The following FHIP2A variants were observed in gnomAD, a reference collection of about 807,000 sequenced individuals.
FHIP2A encodes the protein family with sequence similarity 160 member B1.
FHIP2A carries 46 observed loss-of-function variants against 93.5 expected under a neutral mutation model. The observed-to-expected ratio is 0.49, with a 90% CI of 0.39 to 0.63. The LOEUF is 0.63. FHIP2A is among the 20% of genes least tolerant of loss of function. The pLI, the probability that FHIP2A is intolerant of heterozygous loss-of-function variation, is 0.00. For missense variants in FHIP2A, 769 were observed against 909.7 expected, an observed-to-expected ratio of 0.85 and a Z score of 1.99; for synonymous variants, 332 against 326.5, an observed-to-expected ratio of 1.02 and a Z score of -0.18.
At chr10:114,857,521 G>T (rs1166589685) in intron 14 of FHIP2A, among the ~76,000 whole-genome samples, 1 of 151,830 alleles carries the variant, frequency 6.6e-6, no homozygotes, top group African/African-American at 2.4e-5. Context: ...TATTGCTCAG[G>T]CTGGTCTTGA....
chr10:114,832,762 C>T (rs924131398), intron 2 of FHIP2A, among the ~76,000 whole-genome samples: 2 of 146,780 alleles, frequency 1.4e-5, no homozygotes, highest in Non-Finnish European at 3.0e-5. Flanking sequence ...CCCAGGCTGA[C>T]GTTCAGTGGT....
chr10:114,885,397 G>GA lies in FHIP2A; in HGVS notation c.2193-14079dup, dbSNP rs1177416557. On this transcript the variant is annotated intron_variant, in intron 16 of 16. Transcript: ENST00000369250. ...ACAACAAGAGTGAAACTCCATCTGAGAAAAAAAAAAAAAAGAAAAAAAAAA... is the reference window on the plus strand; with the variant it reads ...ACAACAAGAGTGAAACTCCATCTGAGAAAAAAAAAAAAAAAGAAAAAAAAAA... Among the ~76,000 whole-genome samples, 563 of 95,630 alleles carry GA rather than the reference G, an allele frequency of 5.9e-3. 2 individuals are homozygous for GA. Among genetic ancestry groups the GA allele is most frequent in the African/African-American group, 6.3e-3 (162 of 25,610 alleles). 62.7% of individuals were successfully genotyped at this position (95,630 alleles called of 152,430 possible). A position where few individuals can be genotyped will look rare whatever the true frequency, so the allele number is the denominator to read the frequency against.
Position 114,857,314 on chromosome 10 carries a change from C to CTTTTTTTTTTTTTTTTTTTTTTTTTT in FHIP2A, c.1947+1986_1947+1987insTTTTTTTTTTTTTTTTTTTTTTTTTT, listed in dbSNP as rs78583275. 8.3e-5 allele frequency among the ~76,000 whole-genome samples: 10 copies of CTTTTTTTTTTTTTTTTTTTTTTTTTT among 120,702 alleles called. 1 individual carries two copies. Among genetic ancestry groups the CTTTTTTTTTTTTTTTTTTTTTTTTTT allele is most frequent in the South Asian group, 2.9e-4 (1 of 3,398 alleles). 79.2% of individuals were successfully genotyped at this position (120,702 alleles called of 152,430 possible). ...TTTCTTTCTCTCCCTATTTCTTCTT[C>CTTTTTTTTTTTTTTTTTTTTTTTTTT]TTTTTTTTTTTTCTGAGACCGAGTC... On this transcript the variant is annotated intron_variant, in intron 14 of 16. Transcript: ENST00000369248.
chr10:114,874,927 A>G (rs755870191), intron 16 of FHIP2A, among the ~76,000 whole-genome samples: 2 of 152,242 alleles, frequency 1.3e-5, no homozygotes, highest in Non-Finnish European at 2.9e-5. Context: ...GTTAGCTTAA[A>G]TCTGTACAGA....
chr10:114,841,809 T>G (rs1322918255), intron 5 of FHIP2A, among the ~76,000 whole-genome samples: 1 of 152,228 alleles, frequency 6.6e-6, no homozygotes. Context: ...TCTATGATGA[T>G]AGGCCCTGGG....
chr10:114,899,500 C>G lies in FHIP2A; in HGVS notation c.2203C>G (p.Pro735Ala), dbSNP rs1024532152. The G allele has an allele frequency of 5.6e-6, 4 of 718,408 alleles. No individual in the cohort carries two copies. In the African/African-American group the frequency reaches 7.0e-5, roughly 13 times the overall value. 44.5% of individuals were successfully genotyped at this position (718,408 alleles called of 1,614,324 possible). The change falls in exon 17 of 17, where the codon CCT (proline) becomes GCT (alanine). Residue 735 changes from proline to alanine, a missense_variant. Pro to Ala is a conservative substitution (Grantham distance 27). Coordinates refer to the FHIP2A transcript ENST00000369250. ...TTCTTTTATCCTCAGGCAGACGTTG[C>G]CTTCATGGTGGTAAGAGGGATTCCA...
Position 114,863,659 on chromosome 10 carries a change from G to A in FHIP2A, c.*2119G>A. ...TTCTTTTATATTTAGTTCAGACCTAGAGCCAGTAGAAGCTCTCACAGTGAG... is the reference window on the plus strand; with the variant it reads ...TTCTTTTATATTTAGTTCAGACCTAAAGCCAGTAGAAGCTCTCACAGTGAG... On this transcript the variant is annotated 3_prime_UTR_variant, in exon 17 of 17. Transcript: ENST00000369248. The A allele has an allele frequency of 2.3e-6, 3 of 1,301,384 alleles. No individual in the cohort carries two copies. The highest frequency in any genetic ancestry group is 3.0e-6 in the Non-Finnish European group (3 of 988,086). The allele number at this position is 1,301,384 out of a possible 1,614,324, so 80.6% of individuals were successfully genotyped here.
chr10:114,867,941 ATTT>A (rs3981290), downstream of FHIP2A, among the ~76,000 whole-genome samples: 171 of 140,980 alleles, frequency 1.2e-3, 1 homozygote, highest in South Asian at 1.4e-3. Flanking sequence ...GTGCTTTATA[ATTT>A]TTTTTTTTTT....
At chr10:114,896,523 C>T (rs549123903) in intron 16 of FHIP2A, among the ~76,000 whole-genome samples, 2 of 152,326 alleles carry the variant, frequency 1.3e-5, no homozygotes, top group South Asian at 4.1e-4. Context: ...TCAAAGTCAT[C>T]CCTCTGCTCA....
intron 16 of FHIP2A, among the ~76,000 whole-genome samples, chr10:114,883,876 G>A (rs576479105): frequency 3.4e-4 from 51 of 152,192 alleles, no homozygotes; most frequent in Admixed American, 2.0e-3. Flanking sequence ...CACCATGCCC[G>A]GCCGATATAC....
chr10:114,862,788 A>G lies in FHIP2A; in HGVS notation c.*1248A>G, dbSNP rs2083808074. ...AAGCTATTGTTTGTTTTTATTTGAC[A>G]TGTTAAGCCGCAGCACTTTCTTCTT... is the stretch of plus-strand genomic sequence containing the variant. On this transcript the variant is annotated 3_prime_UTR_variant, in exon 17 of 17. Coordinates refer to ENST00000369248, the MANE Select transcript of FHIP2A (RefSeq NM_020940.4). The G allele has an allele frequency of 8.1e-6, 8 of 985,392 alleles. No homozygotes were observed. Among genetic ancestry groups the G allele is most frequent in the Non-Finnish European group, 8.4e-6 (7 of 829,916 alleles). 61.0% of individuals were successfully genotyped at this position (985,392 alleles called of 1,614,324 possible). A position where few individuals can be genotyped will look rare whatever the true frequency, so the allele number is the denominator to read the frequency against.
At chr10:114,834,582 G>C (rs1051672452) in intron 3 of FHIP2A, among the ~76,000 whole-genome samples, 1 of 152,138 alleles carries the variant, frequency 6.6e-6, no homozygotes, top group African/African-American at 2.4e-5. Flanking sequence ...GAAATGTGAA[G>C]CAGTATAAGC....
intron 16 of FHIP2A, among the ~76,000 whole-genome samples, chr10:114,899,231 C>T (rs1189740083): frequency 1.3e-5 from 2 of 152,076 alleles, no homozygotes; most frequent in East Asian, 3.8e-4. Context: ...TGTTGCATAG[C>T]AATACATTAT....
intron 5 of FHIP2A, among the ~76,000 whole-genome samples, chr10:114,839,552 A>G (rs1480424332): frequency 1.3e-5 from 2 of 152,118 alleles, no homozygotes; most frequent in Non-Finnish European, 2.9e-5. Context: ...TGCATCTACT[A>G]TTGGTTAAAT....
intron 16 of FHIP2A, among the ~76,000 whole-genome samples, chr10:114,884,516 A>G (rs1566387799): frequency 6.6e-6 from 1 of 152,204 alleles, no homozygotes; most frequent in Non-Finnish European, 1.5e-5. Flanking sequence ...AGCATGTATA[A>G]AAGAAAATAG....
intron 1 of FHIP2A, among the ~76,000 whole-genome samples, chr10:114,823,388 C>T (rs2083551907): frequency 1.3e-5 from 2 of 152,134 alleles, no homozygotes; most frequent in South Asian, 4.1e-4. Flanking sequence ...TTTTTACTTG[C>T]TTATACACAC....
At position 114,898,886 on chromosome 10, in the gene FHIP2A, A is replaced by G. The variant is rs116176367; in HGVS notation, c.2193-604A>G. Reference sequence around the variant, plus strand: ...ATCCTTCTTTTATTCATGCTACTTTATAGCATGAATCACTGATGCTAAGAT... The same window carrying G: ...ATCCTTCTTTTATTCATGCTACTTTGTAGCATGAATCACTGATGCTAAGAT... On this transcript the variant is annotated intron_variant, in intron 16 of 16. Transcript: ENST00000369250. Among the ~76,000 whole-genome samples the G allele has an allele frequency of 5.8e-3, 888 of 152,296 alleles. 10 individuals are homozygous for G. The highest frequency in any genetic ancestry group is 0.02 in the African/African-American group (831 of 41,558).
At chr10:114,822,335 C>T (rs1275676785) in intron 1 of FHIP2A, among the ~76,000 whole-genome samples, 2 of 151,720 alleles carry the variant, frequency 1.3e-5, no homozygotes, top group East Asian at 2.0e-4. Context: ...TCCCGTCGGT[C>T]CCTGGCTGCC....
intron 14 of FHIP2A, 121 bp from the exon 15 acceptor site, chr10:114,860,628 A>G (rs960733097): frequency 2.5e-6 from 2 of 787,318 alleles, no homozygotes; most frequent in Middle Eastern, 3.6e-4. Context: ...CTGGGATTAC[A>G]GGTGTGAGCC....
Sources: allele counts gnomAD v4.1 joint callset (sites outside exome capture counted in the v4.1 genomes callset), GRCh38; gene constraint gnomAD v4.1.1; transcripts MANE v1.5; gene names NCBI Gene and HGNC (gene_info 2026-07-23, HGNC 2026-07-21).